Variants in ANAPC1 observed in about 807,000 individuals in gnomAD.
The protein encoded by ANAPC1 is anaphase-promoting complex subunit 1.
ANAPC1 carries 36 observed loss-of-function variants against 208.0 expected under a neutral mutation model. The ratio of observed to expected loss-of-function variants is 0.17; its 90% CI spans 0.13 to 0.23. ANAPC1 has a LOEUF of 0.23. Among genes scored for constraint, ANAPC1 ranks in the 10% least tolerant of loss-of-function variants. ANAPC1 has a pLI of 1.00. For synonymous variants in ANAPC1, 378 were observed against 695.2 expected (o/e 0.54, Z 7.18); for missense variants, 942 against 2,011.6 (o/e 0.47, Z 10.17).
rs758795280 is a variant in ANAPC1 at position 111,864,813 on chromosome 2, T to G, written c.824A>C (p.Lys275Thr). 8 of 1,611,110 alleles carry G rather than the reference T, an allele frequency of 5.0e-6. No individual in the cohort carries two copies. The highest frequency in any genetic ancestry group is 6.8e-6 in the Non-Finnish European group (8 of 1,179,540). ...VHSVWTLRRVKSEEENVVLKF... is the reference protein window; with the variant it reads ...VHSVWTLRRVTSEEENVVLKF... ...ACTTGCCTTTCTCCTTACCTCTGAT[T>G]TGACTCTCCGGAGAGTCCACACAGA... Residue 275 changes from lysine to threonine, a missense_variant, in exon 8 of 48, where the codon AAA becomes ACA. Physicochemically the swap from Lys to Thr is moderately conservative, Grantham distance 78. Transcript: ENST00000341068.
At chr2:111,837,800 G>C (rs983597747) in intron 18 of ANAPC1, among the ~76,000 whole-genome samples, 3 of 151,782 alleles carry the variant, frequency 2.0e-5, no homozygotes, top group African/African-American at 7.3e-5. Flanking sequence ...TAATACCATG[G>C]AGGCCAGGTG....
At chr2:111,798,870 T>A (rs1178093266) in intron 34 of ANAPC1, among the ~76,000 whole-genome samples, 1 of 152,032 alleles carries the variant, frequency 6.6e-6, no homozygotes, top group Non-Finnish European at 1.5e-5. Context: ...CCGTCTCTAC[T>A]AAAAATACAA....
intron 16 of ANAPC1, among the ~76,000 whole-genome samples, chr2:111,846,544 T>TATATAC (rs1681076474): frequency 3.6e-5 from 2 of 56,012 alleles, no homozygotes; most frequent in African/African-American, 2.0e-4. Flanking sequence ...CATATATATA[T>TATATAC]ATATATATAT....
At position 111,769,250 on chromosome 2, in the gene ANAPC1, G is replaced by A; in HGVS notation, c.*41C>T. The A allele has an allele frequency of 6.2e-7, 1 of 1,611,838 alleles. No homozygotes were observed. The highest frequency in any genetic ancestry group is 8.5e-7 in the Non-Finnish European group (1 of 1,178,114). On this transcript the variant is annotated 3_prime_UTR_variant, in exon 48 of 48. Coordinates refer to ENST00000341068, the MANE Select transcript of ANAPC1 (RefSeq NM_022662.4). Reference sequence around the variant, plus strand: ...TTTGATGTTTGGTCACGTTTGTTGTGCAGAAGTCACGTTTCAGGGTAGGTT... The same window carrying A: ...TTTGATGTTTGGTCACGTTTGTTGTACAGAAGTCACGTTTCAGGGTAGGTT...
chr2:111,880,391 A>C, intron 2 of ANAPC1: 2 of 1,030,210 alleles, frequency 1.9e-6, no homozygotes, highest in Non-Finnish European at 2.6e-6. Flanking sequence ...AAATTGAAAA[A>C]TAAAAAATAA....
In ANAPC1 at chr2:111,810,557, T is replaced by G. The variant is rs561833149; in HGVS notation, c.3598-1376A>C. ...AGTTTAGTTTGCCAGAGAGCTAAAA[T>G]AGCCAATCTGTATGGTTAGAGTGTG... is the stretch of plus-strand genomic sequence containing the variant. On this transcript the variant is annotated intron_variant, in intron 28 of 47. Transcript: ENST00000341068. 1.9e-4 allele frequency among the ~76,000 whole-genome samples: 28 copies of G among 150,404 alleles called. No individual in the cohort carries two copies. The East Asian group carries it at 5.4e-3, about 29-fold the overall frequency.
At chr2:111,867,849 A>G (rs1682521745) in intron 7 of ANAPC1, 174 bp downstream of exon 7, 1 of 450,232 alleles carries the variant, frequency 2.2e-6, no homozygotes, top group Non-Finnish European at 4.0e-6. Flanking sequence ...TTTTACTAAA[A>G]TAACTGTTGA....
intron 1 of ANAPC1, among the ~76,000 whole-genome samples, chr2:111,882,940 G>C (rs1475659325): frequency 6.6e-6 from 1 of 151,918 alleles, no homozygotes; most frequent in East Asian, 2.0e-4. Context: ...GGCCGAGACG[G>C]GTGGATCACG....
chr2:111,793,101 T>G (rs1429060178), intron 37 of ANAPC1, among the ~76,000 whole-genome samples: 1 of 152,174 alleles, frequency 6.6e-6, no homozygotes, highest in Non-Finnish European at 1.5e-5. Context: ...TTTTGGCTTT[T>G]TCTCTGAATT....
chr2:111,850,865 T>G lies in ANAPC1; in HGVS notation c.1561A>C (p.Met521Leu), dbSNP rs1260680190. The part of the protein sequence containing the change: ...IPGLPAPSLT[M>L]SNTMPRPSTP... Reference sequence around the variant, plus strand: ...CTGGGCCGAGGCATTGTGTTGGACATCGTCAGAGAGGGAGCTGGCAGTCCA... The same window carrying G: ...CTGGGCCGAGGCATTGTGTTGGACAGCGTCAGAGAGGGAGCTGGCAGTCCA... The change falls in exon 14 of 48, where the codon ATG (methionine) becomes CTG (leucine). Residue 521 changes from methionine to leucine, a missense_variant. By Grantham distance (15) the Met-to-Leu change is conservative. Transcript: ENST00000341068. 1.9e-6 allele frequency: 3 copies of G among 1,611,202 alleles called. No homozygotes were observed. The South Asian group carries it at 3.3e-5, about 18-fold the overall frequency.
chr2:111,794,790 T>G (rs775032102), intron 35 of ANAPC1, 28 bp downstream of exon 35: 3 of 1,046,110 alleles, frequency 2.9e-6, no homozygotes, highest in African/African-American at 3.2e-5. Context: ...GACGCTAGGA[T>G]AGCTAATTTG....
Position 111,868,057 on chromosome 2 carries a change from T to C in ANAPC1, c.651A>G (p.Leu217=). Residue 217 remains leucine, a synonymous_variant, in exon 7 of 48, where the codon CTA becomes CTG. Coordinates refer to ENST00000341068, the MANE Select transcript of ANAPC1 (RefSeq NM_022662.4). ...LPTMFSMLHP[L]DEITPLVCKS... ...TACAAACAAGTGGAGTTATTTCATC[T>C]AGTGGGTGCAGCATGCTGAACATAG... 1.3e-6 allele frequency: 2 copies of C among 1,597,988 alleles called. No homozygotes were observed. The highest frequency in any genetic ancestry group is 1.7e-6 in the Non-Finnish European group (2 of 1,172,940).
At chr2:111,881,789 A>G (rs139996837) in intron 1 of ANAPC1, among the ~76,000 whole-genome samples, 2 of 152,320 alleles carry the variant, frequency 1.3e-5, no homozygotes, top group East Asian at 3.9e-4. Flanking sequence ...TTAAGACCCC[A>G]TCAAGGAACC....
chr2:111,861,350 C>T (rs1194004067), intron 10 of ANAPC1, among the ~76,000 whole-genome samples: 1 of 152,186 alleles, frequency 6.6e-6, no homozygotes, highest in Non-Finnish European at 1.5e-5. Flanking sequence ...TGAGTGATTA[C>T]AGGTGTGAGC....
Position 111,872,958 on chromosome 2 carries a change from A to C in ANAPC1, c.529-246T>G, listed in dbSNP as rs933409182. On this transcript the variant is annotated intron_variant, in intron 5 of 47. Transcript: ENST00000341068. ...TGCCACTGGCCAGGATCAGTAACAA[A>C]ATGACAATGTGTTAACAATAGCCCT... 5 of 529,672 alleles carry C rather than the reference A, an allele frequency of 9.4e-6. 1 individual carries two copies. The Admixed American group carries it at 1.4e-4, about 15-fold the overall frequency. The allele number at this position is 529,672 out of a possible 1,614,324, so 32.8% of individuals were successfully genotyped here. A position where few individuals can be genotyped will look rare whatever the true frequency, so the allele number is the denominator to read the frequency against.
At chr2:111,844,262 G>C (rs1052019573) in intron 16 of ANAPC1, among the ~76,000 whole-genome samples, 2 of 151,900 alleles carry the variant, frequency 1.3e-5, no homozygotes, top group Admixed American at 1.3e-4. Context: ...GTTCTAGCTC[G>C]GGTGACAAAT....
intron 1 of ANAPC1, 52 bp from the exon 2 acceptor site, chr2:111,880,901 A>T (rs188272704): frequency 7.0e-7 from 1 of 1,430,070 alleles, no homozygotes; most frequent in East Asian, 2.3e-5. Context: ...AAACTAGAAT[A>T]AAAATACCAT....
intron 22 of ANAPC1, among the ~76,000 whole-genome samples, 177 bp from the exon 23 acceptor site, chr2:111,825,344 G>T (rs182697390): frequency 6.6e-6 from 1 of 152,096 alleles, no homozygotes; most frequent in Non-Finnish European, 1.5e-5. Context: ...AATACTCAGG[G>T]GATTGGTTAG....
At chr2:111,821,671 A>G (rs1220108187) in intron 25 of ANAPC1, 3 of 480,460 alleles carry the variant, frequency 6.2e-6, no homozygotes, top group African/African-American at 2.0e-5. Context: ...GGTGGCTCAC[A>G]CTCTGTAATC....
Sources: allele counts gnomAD v4.1 joint callset (sites outside exome capture counted in the v4.1 genomes callset), GRCh38; gene constraint gnomAD v4.1.1; transcripts MANE v1.5; gene names NCBI Gene and HGNC (gene_info 2026-07-23, HGNC 2026-07-21).